The following XK variants were observed in gnomAD, a reference collection of about 807,000 sequenced individuals.
XK encodes endoplasmic reticulum membrane adapter protein XK.
A neutral mutation model predicts 14.0 loss-of-function variants in XK; 2 were observed. The ratio of observed to expected loss-of-function variants is 0.14; its 90% confidence interval spans 0.06 to 0.45. The LOEUF (loss-of-function observed/expected upper bound fraction) is 0.45, where lower values mean the gene tolerates loss of function less well. Ranked by LOEUF, XK falls within the 20% of genes least tolerant of loss-of-function variation. The pLI is 0.98. For synonymous variants in XK, 149 were observed against 147.5 expected, an observed-to-expected ratio of 1.01 and a Z score of -0.08; for missense variants, 235 against 341.5, an observed-to-expected ratio of 0.69 and a Z score of 2.46.
At chrX:37,708,940 A>G (rs1266278105) in intron 2 of XK, among the ~76,000 whole-genome samples, 4 of 112,478 alleles carry the variant, frequency 3.6e-5, no homozygotes, top group Non-Finnish European at 7.5e-5. Context: ...TGAGATTCCT[A>G]GTAATCTCAT....
At chrX:37,699,496 G>A (rs1336002530) in intron 2 of XK, among the ~76,000 whole-genome samples, 1 of 111,968 alleles carries the variant, frequency 8.9e-6, no homozygotes, top group Non-Finnish European at 1.9e-5. Flanking sequence ...ATATGTAAAT[G>A]GAAGTAAAAC....
In XK at chrX:37,731,539, A is replaced by G. The variant is rs890694511; in HGVS notation, c.*3077A>G. Reference sequence around the variant, plus strand: ...TGCTTTGAAAATGTTTTTAAGTGCTATGCATATTTATAGAGTTATTATAGT... The same window carrying G: ...TGCTTTGAAAATGTTTTTAAGTGCTGTGCATATTTATAGAGTTATTATAGT... On this transcript the variant is annotated 3_prime_UTR_variant, in exon 3 of 3. Coordinates refer to ENST00000378616, the MANE Select transcript of XK (RefSeq NM_021083.4). The G allele has an allele frequency of 6.2e-5, 7 of 112,529 alleles. No individual in the cohort carries two copies. Among genetic ancestry groups the G allele is most frequent in the African/African-American group, 2.3e-4 (7 of 31,009 alleles). The allele number at this position is 112,529 out of a possible 1,213,427, so 9.3% of individuals were successfully genotyped here.
chrX:37,709,802 G>A (rs1927624280), intron 2 of XK, among the ~76,000 whole-genome samples: 1 of 111,753 alleles, frequency 8.9e-6, no homozygotes, highest in East Asian at 2.8e-4. Context: ...TAATATATTA[G>A]TACTGTGCAT....
intron 2 of XK, among the ~76,000 whole-genome samples, chrX:37,703,806 T>C (rs1373629150): frequency 8.9e-6 from 1 of 112,322 alleles, no homozygotes; most frequent in African/African-American, 3.2e-5. Context: ...GAAGCTAAAG[T>C]CTTCAATACC....
Position 37,686,048 on chromosome X carries a change from C to T in XK, c.87C>T (p.Arg29=), listed in dbSNP as rs782018774. The T allele has an allele frequency of 8.3e-7, 1 of 1,211,337 alleles. No homozygotes were observed. The highest frequency in any genetic ancestry group is 3.0e-5 in the East Asian group (1 of 33,849). The change falls in exon 1 of 3, where the codon CGC becomes CGT. Residue 29 remains arginine, a synonymous_variant. Transcript: ENST00000378616. ...CGCTCAGCCTGAGCAGCACCTACCG[C>T]TCGGGCGGGGACCGCATGTGGCAGG... The part of the protein sequence containing the change: ...TAALSLSSTY[R]SGGDRMWQAL...
chrX:37,730,514 A>G lies in XK; in HGVS notation c.*2052A>G, dbSNP rs1477053851. The G allele has an allele frequency of 8.9e-6, 1 of 112,803 alleles. No individual in the cohort carries two copies. Among genetic ancestry groups the G allele is most frequent in the Non-Finnish European group, 1.9e-5 (1 of 53,349 alleles). The allele number at this position is 112,803 out of a possible 1,213,427, so 9.3% of individuals were successfully genotyped here. On this transcript the variant is annotated 3_prime_UTR_variant, in exon 3 of 3. Coordinates refer to ENST00000378616, the MANE Select transcript of XK (RefSeq NM_021083.4). ...TCCAAGTGTATATTTGTATCACACCAGTTACTTGTGTTCATTGACACCAAA... is the reference window on the plus strand; with the variant it reads ...TCCAAGTGTATATTTGTATCACACCGGTTACTTGTGTTCATTGACACCAAA...
At chrX:37,723,197 A>G (rs1333196893) in intron 2 of XK, among the ~76,000 whole-genome samples, 1 of 111,876 alleles carries the variant, frequency 8.9e-6, no homozygotes, top group Non-Finnish European at 1.9e-5. Context: ...TTAAATAGGC[A>G]GTACTGCCAA....
chrX:37,725,466 G>A (rs1357286009), intron 2 of XK, among the ~76,000 whole-genome samples: 4 of 111,447 alleles, frequency 3.6e-5, no homozygotes, highest in Admixed American at 1.9e-4. Flanking sequence ...GATGTGGAGC[G>A]ATAGGAACTC....
chrX:37,705,591 A>G (rs961508325), intron 2 of XK, among the ~76,000 whole-genome samples: 3 of 111,698 alleles, frequency 2.7e-5, no homozygotes, highest in Non-Finnish European at 5.6e-5. Flanking sequence ...ATCATTAGAA[A>G]CATACTATGG....
chrX:37,728,165 G>A lies in XK; in HGVS notation c.1038G>A (p.Val346=), dbSNP rs1556450508. The A allele has an allele frequency of 5.8e-6, 7 of 1,211,288 alleles. No homozygotes were observed. The highest frequency in any genetic ancestry group is 7.8e-6 in the Non-Finnish European group (7 of 895,404). ...TCAAGACTGACATCTATATGTATGT[G>A]TGCGCACCTCTGTTGGTCCTGCAGC... ...YLFKTDIYMY[V]CAPLLVLQLL... The change falls in exon 3 of 3, where the codon GTG becomes GTA. Residue 346 remains valine, a synonymous_variant. Transcript: ENST00000378616.
In XK at chrX:37,694,346, T is replaced by C; in HGVS notation, c.306T>C (p.Ser102=). 1 of 1,211,451 alleles carries C rather than the reference T, an allele frequency of 8.3e-7. No individual in the cohort carries two copies. Among genetic ancestry groups the C allele is most frequent in the Non-Finnish European group, 1.1e-6 (1 of 895,212 alleles). ...QSGNNEEPYV[S]ITKKRQMPKN... Reference sequence around the variant, plus strand: ...GCAACAATGAAGAGCCTTATGTCAGTATCACCAAGAAGAGGCAAATGCCAA... The same window carrying C: ...GCAACAATGAAGAGCCTTATGTCAGCATCACCAAGAAGAGGCAAATGCCAA... The change falls in exon 2 of 3, where the codon AGT becomes AGC. Residue 102 remains serine, a synonymous_variant. Transcript: ENST00000378616.
At chrX:37,687,127 T>C (rs1222498089) in intron 1 of XK, among the ~76,000 whole-genome samples, 3 of 109,164 alleles carry the variant, frequency 2.7e-5, no homozygotes, top group African/African-American at 1.0e-4. Flanking sequence ...ACACCTCAGC[T>C]GCCAGAAAAT....
At chrX:37,697,604 T>A (rs1205571244) in intron 2 of XK, among the ~76,000 whole-genome samples, 2 of 112,216 alleles carry the variant, frequency 1.8e-5, no homozygotes, top group Non-Finnish European at 3.8e-5. Flanking sequence ...GAGTTTGCCA[T>A]GAGGGAGAGA....
rs781960297 is a variant in XK at position 37,706,683 on chromosome X, G to T, written c.508+12135G>T. On this transcript the variant is annotated intron_variant, in intron 2 of 2. Transcript: ENST00000378616. ...TCATTCTTGGGTGTTTCTCGCAGAGGGGGATTTGGCAGGGTCATAGGACAA... is the reference window on the plus strand; with the variant it reads ...TCATTCTTGGGTGTTTCTCGCAGAGTGGGATTTGGCAGGGTCATAGGACAA... 3.1e-3 allele frequency among the ~76,000 whole-genome samples: 335 copies of T among 108,338 alleles called. 1 individual carries two copies. The highest frequency in any genetic ancestry group is 0.011 in the African/African-American group (321 of 29,602). The allele number at this position is 108,338 out of a possible 115,157, so 94.1% of individuals were successfully genotyped here. A position where few individuals can be genotyped will look rare whatever the true frequency, so the allele number is the denominator to read the frequency against.
chrX:37,729,819 T>A lies in XK; in HGVS notation c.*1357T>A, dbSNP rs1206222351. 2 of 111,872 alleles carry A rather than the reference T, an allele frequency of 1.8e-5. No individual in the cohort carries two copies. Among genetic ancestry groups the A allele is most frequent in the South Asian group, 3.8e-4 (1 of 2,664 alleles). The allele number at this position is 111,872 out of a possible 1,213,427, so 9.2% of individuals were successfully genotyped here. ...TCGATTTTACCATATGGAATAGGGATCCACTTCTCTGTTAACCTACAAAAC... is the reference window on the plus strand; with the variant it reads ...TCGATTTTACCATATGGAATAGGGAACCACTTCTCTGTTAACCTACAAAAC... On this transcript the variant is annotated 3_prime_UTR_variant, in exon 3 of 3. Coordinates refer to ENST00000378616, the MANE Select transcript of XK (RefSeq NM_021083.4).
chrX:37,702,609 T>C (rs1927437509), intron 2 of XK, among the ~76,000 whole-genome samples: 1 of 112,011 alleles, frequency 8.9e-6, no homozygotes, highest in African/African-American at 3.2e-5. Context: ...TACAGTCACA[T>C]AGAGATGACT....
chrX:37,716,822 G>T (rs782141920), intron 2 of XK, among the ~76,000 whole-genome samples: 1 of 111,146 alleles, frequency 9.0e-6, no homozygotes, highest in Non-Finnish European at 1.9e-5. Context: ...TTGTTTTTTT[G>T]GTGTAACTCA....
At chrX:37,725,438 A>G (rs1927957306) in intron 2 of XK, among the ~76,000 whole-genome samples, 1 of 111,945 alleles carries the variant, frequency 8.9e-6, no homozygotes, top group African/African-American at 3.2e-5. Context: ...AACACTGACT[A>G]CAGAAAATAC....
intron 1 of XK, among the ~76,000 whole-genome samples, chrX:37,690,896 A>C (rs1190106515): frequency 8.9e-6 from 1 of 112,534 alleles, no homozygotes; most frequent in Non-Finnish European, 1.9e-5. Flanking sequence ...CAAACAAATA[A>C]AAAACCAAAA....
Sources: gnomAD v4.1 joint callset for allele counts (sites outside exome capture counted in the v4.1 genomes callset) on GRCh38, gnomAD v4.1.1 for gene constraint, MANE v1.5 for transcripts, NCBI Gene and HGNC (gene_info 2026-07-23, HGNC 2026-07-21) for gene names.